The following CSMD1 variants were observed in gnomAD, a reference collection of about 807,000 sequenced individuals.
CSMD1 encodes CUB and sushi domain-containing protein 1.
Under a neutral mutation model 417.5 loss-of-function variants are expected in CSMD1, and 213 were observed. That is an observed-to-expected ratio of 0.51 (90% CI 0.46 to 0.57). The LOEUF is 0.57. CSMD1 is among the 20% of genes least tolerant of loss of function. The probability of loss-of-function intolerance (pLI) is 0.00; values close to 1 mark genes in which losing one functional copy is unlikely to be tolerated. For missense variants in CSMD1, 6,923 were observed against 4,529.7 expected (o/e 1.53, Z -15.17); for synonymous variants, 2,862 against 1,736.8 (o/e 1.65, Z -16.11).
chr8:3,271,959 C>T (rs557562538), intron 26 of CSMD1, among the ~76,000 whole-genome samples: 8 of 152,154 alleles, frequency 5.3e-5, no homozygotes, highest in East Asian at 1.9e-4. Flanking sequence ...TCAATTTTGG[C>T]TTTTGTTGCC....
At chr8:4,154,998 G>C (rs1029996256) in intron 3 of CSMD1, among the ~76,000 whole-genome samples, 2 of 152,140 alleles carry the variant, frequency 1.3e-5, no homozygotes, top group Non-Finnish European at 2.9e-5. Context: ...AAACACGACT[G>C]CAAGTTTCTG....
intron 5 of CSMD1, among the ~76,000 whole-genome samples, chr8:3,888,924 C>A (rs1034299506): frequency 6.6e-6 from 1 of 152,034 alleles, no homozygotes; most frequent in African/African-American, 2.4e-5. Flanking sequence ...TATCTTTATA[C>A]CATTTAGGTT....
chr8:4,193,697 C>G (rs941360877), intron 3 of CSMD1, among the ~76,000 whole-genome samples: 1 of 152,070 alleles, frequency 6.6e-6, no homozygotes, highest in African/African-American at 2.4e-5. Flanking sequence ...AGATAAAAAT[C>G]GGCATTTCAA....
rs139814179 is a variant in CSMD1, at chr8:3,318,815, C to G, written c.3632-10312G>C. ...GCCCACACACACAGACAGCCACACA[C>G]CAAGAAATAAATGCAGCTGCTTCCA... On this transcript the variant is annotated intron_variant, in intron 23 of 69. Transcript: ENST00000635120. 1.8e-3 allele frequency among the ~76,000 whole-genome samples: 269 copies of G among 152,266 alleles called. 1 individual carries two copies. Among genetic ancestry groups the G allele is most frequent in the African/African-American group, 5.9e-3 (245 of 41,550 alleles).
rs1327478656 is a variant in CSMD1, at chr8:3,387,509, A to G, written c.2767T>C (p.Leu923=). The part of the protein sequence containing the change: ...CERNHQWNHA[L]PSCDALCGGY... ...CTGTACCTACCGTCGCAGCTGGGCAAGGCGTGGTTCCACTGGTGGTTCCTC... is the reference window on the plus strand; with the variant it reads ...CTGTACCTACCGTCGCAGCTGGGCAGGGCGTGGTTCCACTGGTGGTTCCTC... Residue 923 remains leucine (L), a synonymous_variant, in exon 18 of 70, where the codon TTG becomes CTG. Coordinates refer to ENST00000635120, the MANE Select transcript of CSMD1 (RefSeq NM_033225.6). 3.1e-6 allele frequency: 5 copies of G among 1,601,150 alleles called. No individual in the cohort carries two copies. The highest frequency in any genetic ancestry group is 1.7e-5 in the Admixed American group (1 of 58,382).
intron 2 of CSMD1, among the ~76,000 whole-genome samples, chr8:4,593,617 A>G (rs1170419656): frequency 2.0e-5 from 3 of 152,150 alleles, no homozygotes; most frequent in Non-Finnish European, 4.4e-5. Context: ...AAATATTTTT[A>G]TGATTTTTGT....
chr8:4,542,252 T>G (rs1298494177), intron 2 of CSMD1, among the ~76,000 whole-genome samples: 1 of 150,654 alleles, frequency 6.6e-6, no homozygotes, highest in Non-Finnish European at 1.5e-5. Context: ...TTAAAATACC[T>G]TTTTTTTGAA....
At chr8:3,632,060 GT>G (rs1244648565) in intron 7 of CSMD1, among the ~76,000 whole-genome samples, 2 of 152,062 alleles carry the variant, frequency 1.3e-5, no homozygotes, top group African/African-American at 4.8e-5. Context: ...GAAAGTAATT[GT>G]TTTTTTCTCT....
At chr8:3,472,728 C>G (rs1817176633) in intron 11 of CSMD1, among the ~76,000 whole-genome samples, 3 of 152,208 alleles carry the variant, frequency 2.0e-5, no homozygotes, top group Non-Finnish European at 4.4e-5. Flanking sequence ...CATTCCCAGC[C>G]CTTATTTCTT....
At chr8:3,473,914 G>T (rs900609457) in intron 11 of CSMD1, among the ~76,000 whole-genome samples, 2 of 152,210 alleles carry the variant, frequency 1.3e-5, no homozygotes, top group South Asian at 4.2e-4. Flanking sequence ...AGCAAGGCAC[G>T]TCTTACATGG....
intron 2 of CSMD1, among the ~76,000 whole-genome samples, chr8:4,582,718 A>C (rs559874318): frequency 4.6e-4 from 70 of 152,222 alleles, no homozygotes; most frequent in Middle Eastern, 3.4e-3. Flanking sequence ...CTGGGCTCCC[A>C]CTTTGGTGGC....
chr8:4,760,044 C>T (rs1811942304), intron 1 of CSMD1, among the ~76,000 whole-genome samples: 1 of 152,182 alleles, frequency 6.6e-6, no homozygotes. Flanking sequence ...TAAAAGTCTT[C>T]CTATTTCTCT....
At chr8:4,727,238 G>A (rs542592014) in intron 1 of CSMD1, among the ~76,000 whole-genome samples, 1 of 152,238 alleles carries the variant, frequency 6.6e-6, no homozygotes, top group South Asian at 2.1e-4. Context: ...GGGCACCCAA[G>A]CATTTCTGTT....
At chr8:3,415,488 T>G (rs1174436838) in intron 12 of CSMD1, among the ~76,000 whole-genome samples, 1 of 152,174 alleles carries the variant, frequency 6.6e-6, no homozygotes, top group Non-Finnish European at 1.5e-5. Context: ...CTCCTGCATA[T>G]CTGGGATTAT....
chr8:4,757,525 T>C (rs1811742857), intron 1 of CSMD1, among the ~76,000 whole-genome samples: 1 of 152,280 alleles, frequency 6.6e-6, no homozygotes, highest in South Asian at 2.1e-4. Context: ...AACTGGGATT[T>C]GCATCCCTAC....
intron 6 of CSMD1, among the ~76,000 whole-genome samples, chr8:3,715,671 T>G (rs1463713633): frequency 6.6e-6 from 1 of 152,126 alleles, no homozygotes; most frequent in Non-Finnish European, 1.5e-5. Flanking sequence ...GCCTCCTGAG[T>G]AGCCGGGATT....
chr8:4,837,722 A>G (rs895264421), intron 1 of CSMD1, among the ~76,000 whole-genome samples: 1 of 152,194 alleles, frequency 6.6e-6, no homozygotes, highest in Non-Finnish European at 1.5e-5. Context: ...TATAGTCAGT[A>G]ATAACCGTAC....
At chr8:4,467,307 C>G (rs1466450230) in intron 2 of CSMD1, among the ~76,000 whole-genome samples, 1 of 152,108 alleles carries the variant, frequency 6.6e-6, no homozygotes, top group African/African-American at 2.4e-5. Flanking sequence ...AAGGAGGAGT[C>G]ACTATACAGA....
At chr8:4,528,641 C>T (rs927054615) in intron 2 of CSMD1, among the ~76,000 whole-genome samples, 9 of 152,124 alleles carry the variant, frequency 5.9e-5, no homozygotes, top group African/African-American at 1.2e-4. Context: ...AGGTTTATGG[C>T]ATAGATTGCA....
Sources: gnomAD v4.1 joint callset for allele counts (sites outside exome capture counted in the v4.1 genomes callset) on GRCh38, gnomAD v4.1.1 for gene constraint, MANE v1.5 for transcripts, NCBI Gene and HGNC (gene_info 2026-07-23, HGNC 2026-07-21) for gene names.